The following RAF1 variants were observed in gnomAD, a reference collection of about 807,000 sequenced individuals.
RAF1 encodes Raf-1 proto-oncogene, serine/threonine kinase, also known as RAF proto-oncogene serine/threonine-protein kinase.
Under a neutral mutation model 81.1 loss-of-function variants are expected in RAF1, and 27 were observed. The ratio of observed to expected loss-of-function variants is 0.33; its 90% CI spans 0.25 to 0.46. RAF1 has a LOEUF of 0.46. Among genes scored for constraint, RAF1 ranks in the 20% least tolerant of loss-of-function variants. RAF1 has a pLI of 1.00. For missense variants in RAF1, 598 were observed against 826.0 expected, an observed-to-expected ratio of 0.72 and a Z score of 3.38; for synonymous variants, 298 against 294.0, an observed-to-expected ratio of 1.01 and a Z score of -0.14.
At chr3:12,660,690 A>G (rs1373381143) in intron 1 of RAF1, among the ~76,000 whole-genome samples, 1 of 152,218 alleles carries the variant, frequency 6.6e-6, no homozygotes, top group Non-Finnish European at 1.5e-5. Flanking sequence ...AAAACACCAC[A>G]TATCAGCCAG....
intron 1 of RAF1, among the ~76,000 whole-genome samples, chr3:12,630,388 A>C (rs2059826891): frequency 6.6e-6 from 1 of 152,188 alleles, no homozygotes; most frequent in Admixed American, 6.5e-5. Context: ...ACCTCAGGGA[A>C]CAAAACACAA....
chr3:12,585,130 G>T lies in RAF1; in HGVS notation c.1720C>A (p.Arg574=), dbSNP rs925151637. Residue 574 remains arginine (R), a synonymous_variant, in exon 16 of 18, where the codon CGA becomes AGA. Transcript: ENST00000442415. ...CACCAGCACAGACTTACCTGATCTCGGTTGTTGATGTGAGAATAAGGAAGC... is the reference window on the plus strand; with the variant it reads ...CACCAGCACAGACTTACCTGATCTCTGTTGTTGATGTGAGAATAAGGAAGC... 15 of 1,613,998 alleles carry T rather than the reference G, an allele frequency of 9.3e-6. No homozygotes were observed. The highest frequency in any genetic ancestry group is 1.3e-5 in the African/African-American group (1 of 74,882).
intron 7 of RAF1, chr3:12,603,650 C>T (rs2058933536): frequency 1.8e-6 from 1 of 561,240 alleles, no homozygotes; most frequent in Non-Finnish European, 3.2e-6. Context: ...TAGGACATAA[C>T]CAAAAAGCCA....
intron 1 of RAF1, among the ~76,000 whole-genome samples, chr3:12,639,210 T>C (rs2060114452): frequency 1.3e-5 from 2 of 152,152 alleles, no homozygotes; most frequent in African/African-American, 4.8e-5. Flanking sequence ...CAGGTATTGA[T>C]GGGACGTATC....
Position 12,618,712 on chromosome 3 carries a change from T to C in RAF1, c.10A>G (p.Ile4Val). The C allele has an allele frequency of 2.5e-6, 4 of 1,614,208 alleles. 1 individual carries two copies. In the East Asian group the frequency reaches 6.7e-5, roughly 27 times the overall value. The change falls in exon 2 of 18, where the codon ATA becomes GTA. Residue 4 changes from isoleucine to valine, a missense_variant. Around this residue, in one of 5 missense-constraint regions of RAF1, gnomAD observed 83 missense variants for 72.3 expected, o/e 1.15. Coordinates refer to ENST00000442415, the MANE Select transcript of RAF1 (RefSeq NM_001354689.3). ...CTGATCGTCTTCCAAGCTCCCTGTA[T>C]GTGCTCCATTGATGCAGCTTAAACA...
intron 5 of RAF1, 47 bp downstream of exon 5, chr3:12,608,719 T>C (rs759719088): frequency 6.3e-7 from 1 of 1,587,386 alleles, no homozygotes; most frequent in South Asian, 1.1e-5. Flanking sequence ...TTAAAGTATG[T>C]ATACTCCTCA....
intron 5 of RAF1, among the ~76,000 whole-genome samples, chr3:12,608,292 T>C (rs941741785): frequency 8.5e-5 from 13 of 152,202 alleles, no homozygotes; most frequent in Admixed American, 5.9e-4. Context: ...AGATTTTATA[T>C]TCAAACAATT....
At chr3:12,638,567 T>C (rs949813781) in intron 1 of RAF1, among the ~76,000 whole-genome samples, 2 of 152,244 alleles carry the variant, frequency 1.3e-5, no homozygotes, top group Admixed American at 6.5e-5. Flanking sequence ...TTCACTACTA[T>C]TGTTTGGCAT....
chr3:12,613,521 G>T (rs2059283809), intron 2 of RAF1, among the ~76,000 whole-genome samples: 1 of 148,792 alleles, frequency 6.7e-6, no homozygotes, highest in African/African-American at 2.5e-5. Flanking sequence ...GGCTGCAAAA[G>T]GCCCAAAGTG....
At position 12,644,684 on chromosome 3, in the gene RAF1, T is replaced by C. The variant is rs115846864; in HGVS notation, c.-27+19129A>G. ...ACCCACATGCAATAAACAATGTAAATACTTCAGGCATGGACATTTTTAAGT... is the reference window on the plus strand; with the variant it reads ...ACCCACATGCAATAAACAATGTAAACACTTCAGGCATGGACATTTTTAAGT... On this transcript the variant is annotated intron_variant, in intron 1 of 17. Coordinates refer to ENST00000442415, the MANE Select transcript of RAF1 (RefSeq NM_001354689.3). Among the ~76,000 whole-genome samples, 262 of 152,292 alleles carry C rather than the reference T, an allele frequency of 1.7e-3. 1 individual carries two copies. The highest frequency in any genetic ancestry group is 6.1e-3 in the African/African-American group (253 of 41,556).
chr3:12,611,850 T>G (rs1252801076), intron 3 of RAF1, 100 bp downstream of exon 3: 1 of 866,168 alleles, frequency 1.2e-6, no homozygotes, highest in Non-Finnish European at 2.0e-6. Context: ...AAATATACAA[T>G]ATTCTATAGG....
chr3:12,656,480 G>A (rs1192007930), intron 1 of RAF1, among the ~76,000 whole-genome samples: 1 of 152,142 alleles, frequency 6.6e-6, no homozygotes, highest in Non-Finnish European at 1.5e-5. Context: ...TTCTAAGTTT[G>A]AATTTAGTAA....
intron 2 of RAF1, among the ~76,000 whole-genome samples, chr3:12,613,826 C>CCAGT (rs1389535347): frequency 1.3e-5 from 2 of 152,090 alleles, no homozygotes; most frequent in African/African-American, 2.4e-5. Flanking sequence ...ACTTATCTGC[C>CCAGT]CAGTAATCAT....
intron 2 of RAF1, among the ~76,000 whole-genome samples, chr3:12,617,384 G>C (rs1321939793): frequency 6.6e-6 from 1 of 152,144 alleles, no homozygotes; most frequent in Non-Finnish European, 1.5e-5. Context: ...CAAAGTGCTA[G>C]GATTACAGGC....
At chr3:12,656,853 C>T (rs967101417) in intron 1 of RAF1, among the ~76,000 whole-genome samples, 1 of 151,940 alleles carries the variant, frequency 6.6e-6, no homozygotes, top group Non-Finnish European at 1.5e-5. Context: ...AAAATTTAGC[C>T]GGGCGTGGTG....
At chr3:12,621,090 A>G (rs2125461766) in intron 1 of RAF1, among the ~76,000 whole-genome samples, 1 of 152,224 alleles carries the variant, frequency 6.6e-6, no homozygotes, top group Non-Finnish European at 1.5e-5. Flanking sequence ...AGTAGCTACC[A>G]TTTACTAAAA....
chr3:12,656,173 T>C (rs1326731523), intron 1 of RAF1, among the ~76,000 whole-genome samples: 1 of 148,186 alleles, frequency 6.7e-6, no homozygotes, highest in Non-Finnish European at 1.5e-5. Context: ...ATCTCTCCTC[T>C]CAAAATCACA....
intron 1 of RAF1, among the ~76,000 whole-genome samples, chr3:12,662,570 C>A (rs1487808458): frequency 6.6e-6 from 1 of 151,942 alleles, no homozygotes; most frequent in Non-Finnish European, 1.5e-5. Context: ...CCTCACAATT[C>A]TAGCAACTTT....
intron 1 of RAF1, among the ~76,000 whole-genome samples, chr3:12,635,733 G>C (rs185148593): frequency 1.3e-5 from 2 of 151,902 alleles, no homozygotes; most frequent in East Asian, 3.9e-4. Flanking sequence ...CAGCACTTTG[G>C]GAGGCCAAGG....
Sources: allele counts gnomAD v4.1 joint callset (sites outside exome capture counted in the v4.1 genomes callset), GRCh38; gene constraint gnomAD v4.1.1; regional missense constraint gnomAD v4.1.1; transcripts MANE v1.5; gene names NCBI Gene and HGNC (gene_info 2026-07-23, HGNC 2026-07-21).